The following HECW1 variants were observed in gnomAD, a reference collection of about 807,000 sequenced individuals.
HECW1 encodes the protein E3 ubiquitin-protein ligase HECW1.
In HECW1, 61 loss-of-function variants were observed where a neutral mutation model predicts 182.3. The observed-to-expected ratio is 0.33, with a 90% CI of 0.27 to 0.41. HECW1 has a LOEUF of 0.41. Ranked by LOEUF, HECW1 falls within the 10% of genes least tolerant of loss-of-function variation. HECW1 has a pLI of 1.00. For missense variants in HECW1, 1,739 were observed against 2,108.9 expected (o/e 0.82, Z 3.44); for synonymous variants, 859 against 832.6 (o/e 1.03, Z -0.55).
chr7:43,200,056 A>T (rs1469161964), intron 2 of HECW1, among the ~76,000 whole-genome samples: 1 of 152,198 alleles, frequency 6.6e-6, no homozygotes, highest in African/African-American at 2.4e-5. Flanking sequence ...AAAATCACAG[A>T]AAATTACTTT....
chr7:43,366,452 G>C (rs1333075750), intron 6 of HECW1, among the ~76,000 whole-genome samples: 1 of 152,112 alleles, frequency 6.6e-6, no homozygotes, highest in Non-Finnish European at 1.5e-5. Flanking sequence ...TCATAATAAA[G>C]CAACTATGGA....
chr7:43,491,945 C>A (rs780395103), intron 17 of HECW1, 130 bp from the exon 18 acceptor site: 1 of 647,644 alleles, frequency 1.5e-6, no homozygotes, highest in Non-Finnish European at 2.7e-6. Flanking sequence ...GCTTTCTTTT[C>A]CATCACTTTT....
At chr7:43,494,178 T>C (rs1279303023) in intron 19 of HECW1, among the ~76,000 whole-genome samples, 1 of 152,040 alleles carries the variant, frequency 6.6e-6, no homozygotes, top group East Asian at 1.9e-4. Flanking sequence ...CATTGACACC[T>C]CTTTTCCCTG....
At chr7:43,129,957 G>A (rs1416077384) in intron 2 of HECW1, among the ~76,000 whole-genome samples, 1 of 152,170 alleles carries the variant, frequency 6.6e-6, no homozygotes, top group East Asian at 1.9e-4. Context: ...GTCTGTACAT[G>A]TTCATATAGA....
At chr7:43,274,010 G>A (rs986194900) in intron 3 of HECW1, 3 of 229,390 alleles carry the variant, frequency 1.3e-5, no homozygotes, top group Non-Finnish European at 2.5e-5. Context: ...ACCACCACAC[G>A]CAGTTAATTT....
intron 28 of HECW1, among the ~76,000 whole-genome samples, chr7:43,553,151 C>T (rs1175227722): frequency 2.0e-5 from 3 of 152,216 alleles, no homozygotes; most frequent in African/African-American, 7.2e-5. Flanking sequence ...GACCTGTCTT[C>T]CTGAAACATT....
intron 3 of HECW1, among the ~76,000 whole-genome samples, chr7:43,247,834 G>A (rs1045662166): frequency 8.0e-6 from 1 of 124,712 alleles, no homozygotes; most frequent in Admixed American, 7.6e-5. Context: ...AGAAAGGTAA[G>A]AAGGAAGGAA....
At chr7:43,483,539 T>C (rs936118244) in intron 17 of HECW1, among the ~76,000 whole-genome samples, 1 of 141,748 alleles carries the variant, frequency 7.1e-6, no homozygotes. Flanking sequence ...CAGTCATCCA[T>C]GCAAACTCTT....
At chr7:43,245,988 T>C (rs1799344256) in intron 3 of HECW1, among the ~76,000 whole-genome samples, 1 of 152,188 alleles carries the variant, frequency 6.6e-6, no homozygotes, top group Admixed American at 6.5e-5. Flanking sequence ...TATAAGAAGA[T>C]TCATCATGCT....
chr7:43,352,922 G>C (rs1170432721), intron 5 of HECW1, among the ~76,000 whole-genome samples: 2 of 152,080 alleles, frequency 1.3e-5, no homozygotes, highest in African/African-American at 4.8e-5. Flanking sequence ...GCTACAGCTG[G>C]CCTACTAATC....
At chr7:43,218,824 T>C (rs1796678171) in intron 2 of HECW1, among the ~76,000 whole-genome samples, 1 of 152,064 alleles carries the variant, frequency 6.6e-6, no homozygotes. Flanking sequence ...TCTCACGTGA[T>C]TTAGATAAAA....
intron 3 of HECW1, among the ~76,000 whole-genome samples, chr7:43,255,596 T>TA (rs72259446): frequency 0.03 from 3,569 of 117,066 alleles, 75 homozygotes; most frequent in African/African-American, 0.058. Flanking sequence ...AAACTCTGTC[T>TA]AAAAAAAAAA....
At chr7:43,464,190 T>C (rs750290070) in intron 14 of HECW1, among the ~76,000 whole-genome samples, 20 of 152,258 alleles carry the variant, frequency 1.3e-4, no homozygotes, top group Admixed American at 2.6e-4. Flanking sequence ...AGTAAATTTA[T>C]TGTATTTGTT....
chr7:43,311,890 A>G lies in HECW1; in HGVS notation c.155A>G (p.Asp52Gly). The change falls in exon 4 of 30, where the codon GAC (aspartate) becomes GGC (glycine). Residue 52 changes from aspartate (D) to glycine (G), a missense_variant. Around this residue, in one of 5 missense-constraint regions of HECW1, gnomAD observed 279 missense variants for 353.1 expected, o/e 0.79. Transcript: ENST00000395891. ...SYNPDQFHNM[D>G]LRGGPHDGVT... ...AACCCCGACCAGTTCCACAACATGG[A>G]CCTCAGGGGCGGCCCCCACGATGGC... The G allele has an allele frequency of 6.2e-7, 1 of 1,614,142 alleles. No homozygotes were observed. The highest frequency in any genetic ancestry group is 1.1e-5 in the South Asian group (1 of 91,074).
chr7:43,143,964 C>A (rs1788438184), intron 2 of HECW1, among the ~76,000 whole-genome samples: 1 of 152,178 alleles, frequency 6.6e-6, no homozygotes, highest in African/African-American at 2.4e-5. Flanking sequence ...AGCCAATGGC[C>A]AGCAGGCTTC....
At chr7:43,196,802 G>A (rs1794501007) in intron 2 of HECW1, among the ~76,000 whole-genome samples, 1 of 152,122 alleles carries the variant, frequency 6.6e-6, no homozygotes, top group Non-Finnish European at 1.5e-5. Flanking sequence ...ATCTATGGTG[G>A]TTTTAAAACA....
chr7:43,427,334 AT>A (rs1208716319), intron 8 of HECW1, among the ~76,000 whole-genome samples: 1 of 152,232 alleles, frequency 6.6e-6, no homozygotes, highest in African/African-American at 2.4e-5. Context: ...TGAATTTTGT[AT>A]AATTAAAGCC....
At chr7:43,396,516 A>G (rs1562930383) in intron 6 of HECW1, among the ~76,000 whole-genome samples, 1 of 152,248 alleles carries the variant, frequency 6.6e-6, no homozygotes, top group East Asian at 1.9e-4. Flanking sequence ...GCAAATTTGA[A>G]TGTGAAAAGA....
intron 2 of HECW1, among the ~76,000 whole-genome samples, chr7:43,162,270 A>G (rs1214486034): frequency 6.6e-6 from 1 of 152,200 alleles, no homozygotes; most frequent in Non-Finnish European, 1.5e-5. Context: ...AAACAATAGA[A>G]ATGTATTCTC....
Sources: gnomAD v4.1 joint callset for allele counts (sites outside exome capture counted in the v4.1 genomes callset) on GRCh38, gnomAD v4.1.1 for gene constraint, gnomAD v4.1.1 regional missense constraint, MANE v1.5 for transcripts, NCBI Gene and HGNC (gene_info 2026-07-23, HGNC 2026-07-21) for gene names.